The following WDFY2 variants were observed in gnomAD, a reference collection of about 807,000 sequenced individuals.
The protein encoded by WDFY2 is WD repeat and FYVE domain containing 2.
Under a neutral mutation model 56.4 loss-of-function variants are expected in WDFY2, and 36 were observed. The ratio of observed to expected loss-of-function variants is 0.64; its 90% CI spans 0.49 to 0.84. The LOEUF (loss-of-function observed/expected upper bound fraction) is 0.84, where lower values mean the gene tolerates loss of function less well. WDFY2 is among the 40% of genes least tolerant of loss of function. The pLI, the probability that WDFY2 is intolerant of heterozygous loss-of-function variation, is 0.00. For missense variants in WDFY2, 444 were observed against 512.2 expected, an observed-to-expected ratio of 0.87 and a Z score of 1.29; for synonymous variants, 176 against 183.7, an observed-to-expected ratio of 0.96 and a Z score of 0.34.
chr13:51,758,120 A>T (rs879402819), intron 10 of WDFY2, 72 bp from the exon 11 acceptor site: 22 of 1,263,738 alleles, frequency 1.7e-5, no homozygotes, highest in Non-Finnish European at 2.1e-5. Context: ...TTAGAGCCTA[A>T]TGTCATCCTA....
intron 2 of WDFY2, among the ~76,000 whole-genome samples, chr13:51,670,421 C>G (rs1447976624): frequency 6.6e-6 from 1 of 150,930 alleles, no homozygotes; most frequent in Non-Finnish European, 1.5e-5. Flanking sequence ...AAGGCCTGTT[C>G]CTGTGGGAGT....
At chr13:51,623,140 G>C (rs554792037) in intron 1 of WDFY2, among the ~76,000 whole-genome samples, 2 of 152,114 alleles carry the variant, frequency 1.3e-5, no homozygotes, top group Non-Finnish European at 2.9e-5. Context: ...TTACAGGCAA[G>C]AGCCACCGTG....
At chr13:51,633,384 T>G (rs1241790814) in intron 1 of WDFY2, among the ~76,000 whole-genome samples, 1 of 152,228 alleles carries the variant, frequency 6.6e-6, no homozygotes, top group Non-Finnish European at 1.5e-5. Context: ...TGTATAACAT[T>G]GGTCATCTTG....
chr13:51,592,603 A>G (rs1954070845), intron 1 of WDFY2: 1 of 151,874 alleles, frequency 6.6e-6, no homozygotes, highest in African/African-American at 2.4e-5. Context: ...AATAAATAAA[A>G]TAAAATTAAA....
chr13:51,625,938 A>G (rs1027492690), intron 1 of WDFY2, among the ~76,000 whole-genome samples: 2 of 152,226 alleles, frequency 1.3e-5, no homozygotes, highest in African/African-American at 4.8e-5. Context: ...TTGTTTATAT[A>G]TTTATAAATA....
At chr13:51,707,122 G>A (rs1240735400) in intron 4 of WDFY2, among the ~76,000 whole-genome samples, 1 of 152,182 alleles carries the variant, frequency 6.6e-6, no homozygotes, top group Non-Finnish European at 1.5e-5. Flanking sequence ...AGTGGCAGAT[G>A]GATTTGATGT....
intron 1 of WDFY2, chr13:51,587,308 A>G (rs529518599): frequency 2.6e-5 from 4 of 152,278 alleles, no homozygotes; most frequent in East Asian, 3.9e-4. Context: ...TGAGTTCCCT[A>G]TGGAGCTTTG....
chr13:51,730,469 G>A (rs1261022517), intron 6 of WDFY2, among the ~76,000 whole-genome samples: 3 of 152,082 alleles, frequency 2.0e-5, no homozygotes, highest in African/African-American at 2.4e-5. Context: ...TTCTCTTTAC[G>A]CTCTGTGCTG....
rs769723040 is a variant in WDFY2 at position 51,759,794 on chromosome 13, T to C, written c.*25T>C. 6.2e-6 allele frequency: 10 copies of C among 1,612,126 alleles called. No individual in the cohort carries two copies. The East Asian group carries it at 1.8e-4, about 29-fold the overall frequency. On this transcript the variant is annotated 3_prime_UTR_variant, in exon 12 of 12. Coordinates refer to ENST00000298125, the MANE Select transcript of WDFY2 (RefSeq NM_052950.4). ...ATGACTCTCCCAGGAATCAGAAAGA[T>C]AGTATTTACTAAAGAAACGGTTGTT... is the stretch of plus-strand genomic sequence containing the variant.
chr13:51,683,477 C>G (rs1956011033), intron 3 of WDFY2, among the ~76,000 whole-genome samples: 1 of 152,168 alleles, frequency 6.6e-6, no homozygotes. Flanking sequence ...ATTTGTATTG[C>G]AAGGTTTCAA....
intron 6 of WDFY2, among the ~76,000 whole-genome samples, chr13:51,729,105 G>T (rs1240654949): frequency 6.6e-6 from 1 of 152,086 alleles, no homozygotes; most frequent in African/African-American, 2.4e-5. Context: ...TCTCAGTTCT[G>T]TGAATGTAAA....
intron 1 of WDFY2, among the ~76,000 whole-genome samples, chr13:51,652,609 A>G (rs1393437914): frequency 6.6e-6 from 1 of 152,158 alleles, no homozygotes; most frequent in Non-Finnish European, 1.5e-5. Flanking sequence ...GGTGGTGACA[A>G]AATCTCTCAG....
chr13:51,694,502 A>T (rs1951819228), intron 3 of WDFY2, among the ~76,000 whole-genome samples: 1 of 152,208 alleles, frequency 6.6e-6, no homozygotes, highest in Non-Finnish European at 1.5e-5. Context: ...AAGAATGTTG[A>T]ATATTGGCCC....
At chr13:51,676,423 C>T (rs559038389) in intron 3 of WDFY2, among the ~76,000 whole-genome samples, 1 of 152,270 alleles carries the variant, frequency 6.6e-6, no homozygotes, top group East Asian at 1.9e-4. Flanking sequence ...TGAACCTGTA[C>T]CTCCAGCTGG....
In WDFY2 at chr13:51,618,394, C is replaced by G. The variant is rs568295933; in HGVS notation, c.137+33570C>G. Among the ~76,000 whole-genome samples the G allele has an allele frequency of 3.9e-5, 6 of 152,246 alleles. No individual in the cohort carries two copies. The South Asian group carries it at 1.2e-3, about 32-fold the overall frequency. On this transcript the variant is annotated intron_variant, in intron 1 of 11. Coordinates refer to ENST00000298125, the MANE Select transcript of WDFY2 (RefSeq NM_052950.4). ...TTGTCTTTCTCTGCTAGCTTCTGAG[C>G]CTGTTGAGTGCAGGGATTGTATCTT...
chr13:51,712,353 T>A (rs1213754150), intron 4 of WDFY2, among the ~76,000 whole-genome samples: 3 of 152,066 alleles, frequency 2.0e-5, no homozygotes, highest in Admixed American at 6.6e-5. Flanking sequence ...AATGACGAGT[T>A]AATGGGTGCA....
chr13:51,708,673 T>A (rs1357075971), intron 4 of WDFY2, among the ~76,000 whole-genome samples: 2 of 151,828 alleles, frequency 1.3e-5, no homozygotes, highest in African/African-American at 4.8e-5. Context: ...CCTCACAATG[T>A]CAGTAATCAC....
At chr13:51,713,789 G>T (rs540033970) in intron 4 of WDFY2, among the ~76,000 whole-genome samples, 1 of 148,572 alleles carries the variant, frequency 6.7e-6, no homozygotes, top group Non-Finnish European at 1.5e-5. Flanking sequence ...GGAGGTTGCA[G>T]TGAGCTGAGA....
chr13:51,693,878 G>T (rs1028723462), intron 3 of WDFY2, among the ~76,000 whole-genome samples: 5 of 152,042 alleles, frequency 3.3e-5, no homozygotes, highest in Non-Finnish European at 7.4e-5. Flanking sequence ...TGTATTGGGT[G>T]CATATATATT....
Sources: allele counts gnomAD v4.1 joint callset (sites outside exome capture counted in the v4.1 genomes callset), GRCh38; gene constraint gnomAD v4.1.1; transcripts MANE v1.5; gene names NCBI Gene and HGNC (gene_info 2026-07-23, HGNC 2026-07-21).